BAZ2B: variants seen among roughly 807,000 people sequenced by gnomAD.
BAZ2B encodes the protein bromodomain adjacent to zinc finger domain protein 2B.
In BAZ2B, 91 loss-of-function variants were observed where a neutral mutation model predicts 246.0. The observed-to-expected ratio is 0.37, with a 90% confidence interval of 0.31 to 0.44. The LOEUF (loss-of-function observed/expected upper bound fraction) is 0.44, where lower values mean the gene tolerates loss of function less well. Among genes scored for constraint, BAZ2B ranks in the 20% least tolerant of loss-of-function variants. The probability of loss-of-function intolerance (pLI) is 1.00; values close to 1 mark genes in which losing one functional copy is unlikely to be tolerated. For missense variants in BAZ2B, 2,332 were observed against 2,533.7 expected, an observed-to-expected ratio of 0.92 and a Z score of 1.71; for synonymous variants, 855 against 860.0, an observed-to-expected ratio of 0.99 and a Z score of 0.10.
chr2:159,348,629 T>C, intron 30 of BAZ2B, 49 bp downstream of exon 30: 1 of 1,540,904 alleles, frequency 6.5e-7, no homozygotes, highest in Non-Finnish European at 8.7e-7. Flanking sequence ...AATAATTAAT[T>C]CTCATAACTA....
At chr2:159,317,719 C>G (rs559484097), downstream of BAZ2B, among the ~76,000 whole-genome samples, 14 of 151,890 alleles carry the variant, frequency 9.2e-5, no homozygotes, top group Admixed American at 7.2e-4. Flanking sequence ...GTTGTATATA[C>G]TTGCAATTAT....
At chr2:159,415,758 G>A (rs1000485677) in intron 13 of BAZ2B, among the ~76,000 whole-genome samples, 9 of 152,162 alleles carry the variant, frequency 5.9e-5, no homozygotes, top group Non-Finnish European at 1.0e-4. Flanking sequence ...AACATGATTT[G>A]CCTAACCTGG....
At chr2:159,629,356 T>C in the BAZ2B span, among the ~76,000 whole-genome samples, 8 of 152,314 alleles carry the variant, frequency 5.3e-5, no homozygotes, top group Admixed American at 3.9e-4. Flanking sequence ...ATCATGCTAC[T>C]ATAAAGACAC....
At chr2:159,708,120 G>T in the BAZ2B span, among the ~76,000 whole-genome samples, 3 of 152,214 alleles carry the variant, frequency 2.0e-5, no homozygotes, top group Non-Finnish European at 2.9e-5. Flanking sequence ...GGACCAGCCT[G>T]GGCAGCAAAA....
At chr2:159,316,832 C>T (rs2062181426), downstream of BAZ2B, among the ~76,000 whole-genome samples, 2 of 151,278 alleles carry the variant, frequency 1.3e-5, no homozygotes, top group African/African-American at 4.9e-5. Context: ...AAACCCCCAT[C>T]TCTACTGAAA....
chr2:159,516,999 C>T (rs2083500987), intron 2 of BAZ2B, among the ~76,000 whole-genome samples: 1 of 152,060 alleles, frequency 6.6e-6, no homozygotes, highest in African/African-American at 2.4e-5. Context: ...TAAATTTCAG[C>T]TGCTACAACA....
intron 2 of BAZ2B, among the ~76,000 whole-genome samples, chr2:159,554,244 A>AT (rs1454639210): frequency 2.0e-5 from 3 of 151,860 alleles, no homozygotes; most frequent in Non-Finnish European, 2.9e-5. Flanking sequence ...GGGAAAAAAA[A>AT]TTTAAATAAA....
At chr2:159,712,093 G>GAA in the BAZ2B span, 209 of 123,234 alleles carry the variant, frequency 1.7e-3, 2 homozygotes, top group South Asian at 9.6e-3. Context: ...GCCAGAAAAA[G>GAA]AAAAAAAAAA....
intron 19 of BAZ2B, 87 bp from the exon 20 acceptor site, chr2:159,395,921 C>T: frequency 8.2e-7 from 1 of 1,220,546 alleles, no homozygotes; most frequent in South Asian, 1.4e-5. Flanking sequence ...AAAAACAAAA[C>T]AAAAACTCAG....
intron 2 of BAZ2B, among the ~76,000 whole-genome samples, chr2:159,523,357 G>A (rs1473567122): frequency 2.0e-5 from 3 of 152,154 alleles, no homozygotes; most frequent in Non-Finnish European, 4.4e-5. Flanking sequence ...AGCTATGACT[G>A]TGCCACTGCA....
At chr2:159,502,493 G>T (rs1425676936) in intron 2 of BAZ2B, among the ~76,000 whole-genome samples, 1 of 150,776 alleles carries the variant, frequency 6.6e-6, no homozygotes, top group Non-Finnish European at 1.5e-5. Flanking sequence ...AATTAGCCAA[G>T]CATGGTGGCA....
upstream of BAZ2B, among the ~76,000 whole-genome samples, chr2:159,618,802 T>C (rs1402790006): frequency 6.6e-6 from 1 of 152,092 alleles, no homozygotes; most frequent in Admixed American, 6.5e-5. Flanking sequence ...CATAAAGAAT[T>C]CTCCCAAAAT....
the BAZ2B span, among the ~76,000 whole-genome samples, chr2:159,642,238 CT>C: frequency 4.3e-3 from 561 of 131,686 alleles, no homozygotes; most frequent in Middle Eastern, 0.039. Context: ...TTCTTTCTTT[CT>C]TTTTTTTTTT....
At chr2:159,447,274 T>G (rs1052039487) in intron 5 of BAZ2B, among the ~76,000 whole-genome samples, 1 of 152,206 alleles carries the variant, frequency 6.6e-6, no homozygotes, top group African/African-American at 2.4e-5. Flanking sequence ...ATAGAGGTGG[T>G]GGTTGTACAA....
intron 2 of BAZ2B, among the ~76,000 whole-genome samples, chr2:159,515,106 T>C (rs2083295735): frequency 6.6e-6 from 1 of 152,026 alleles, no homozygotes; most frequent in Non-Finnish European, 1.5e-5. Context: ...GTAACTACTT[T>C]TGATTTTTCA....
rs151059764 is a variant in BAZ2B, at chr2:159,462,332, T to A, written c.146-8531A>T. The A allele has an allele frequency of 8.7e-3, 7,973 of 913,000 alleles. 257 individuals carry two copies. Among genetic ancestry groups the A allele is most frequent in the East Asian group, 0.065 (2,670 of 41,224 alleles). 56.6% of individuals were successfully genotyped at this position (913,000 alleles called of 1,614,324 possible). On this transcript the variant is annotated intron_variant, in intron 3 of 36. Transcript: ENST00000392783. ...CTCTTGTTTATAAATCACTTATTTA[T>A]CATATGACCACATGTTGAATCCTTG...
At chr2:159,594,701 G>A (rs897841160) in intron 1 of BAZ2B, among the ~76,000 whole-genome samples, 1 of 151,308 alleles carries the variant, frequency 6.6e-6, no homozygotes, top group Non-Finnish European at 1.5e-5. Flanking sequence ...GCGTGATTAT[G>A]GCTTGCTGCA....
intron 2 of BAZ2B, among the ~76,000 whole-genome samples, chr2:159,526,318 A>T (rs1438616938): frequency 6.6e-6 from 1 of 152,154 alleles, no homozygotes; most frequent in African/African-American, 2.4e-5. Context: ...AACATATAGT[A>T]AAGTCAAAGC....
At chr2:159,433,571 T>A (rs2071553709) in intron 8 of BAZ2B, 1 of 449,846 alleles carries the variant, frequency 2.2e-6, no homozygotes. Flanking sequence ...ATTTAGTTTT[T>A]CCCCATTAAA....
Sources: allele counts gnomAD v4.1 joint callset (sites outside exome capture counted in the v4.1 genomes callset), GRCh38; gene constraint gnomAD v4.1.1; transcripts MANE v1.5; gene names NCBI Gene and HGNC (gene_info 2026-07-23, HGNC 2026-07-21).